LMTK2: variants seen among roughly 807,000 people sequenced by gnomAD.
The protein encoded by LMTK2 is serine/threonine-protein kinase LMTK2.
Under a neutral mutation model 127.5 loss-of-function variants are expected in LMTK2, and 37 were observed. That is an observed-to-expected ratio of 0.29 (90% CI 0.22 to 0.38). The LOEUF (loss-of-function observed/expected upper bound fraction) is 0.38, where lower values mean the gene tolerates loss of function less well. Ranked by LOEUF, LMTK2 falls within the 10% of genes least tolerant of loss-of-function variation. The probability of loss-of-function intolerance (pLI) is 1.00; values close to 1 mark genes in which losing one functional copy is unlikely to be tolerated. For missense variants in LMTK2, 1,694 were observed against 1,920.3 expected (o/e 0.88, Z 2.20); for synonymous variants, 819 against 810.1 (o/e 1.01, Z -0.19).
At chr7:98,117,414 G>A (rs1317525473) in intron 1 of LMTK2, among the ~76,000 whole-genome samples, 1 of 152,034 alleles carries the variant, frequency 6.6e-6, no homozygotes, top group East Asian at 1.9e-4. Flanking sequence ...TGGATGCATG[G>A]ATATTTATTT....
Position 98,191,730 on chromosome 7 carries a change from T to C in LMTK2, c.1265T>C (p.Phe422Ser). 3.1e-6 allele frequency: 5 copies of C among 1,614,162 alleles called. No homozygotes were observed. Among genetic ancestry groups the C allele is most frequent in the Non-Finnish European group, 4.2e-6 (5 of 1,180,030 alleles). ...LQSQRDSEVD[F>S]EQQWNALKPN... Reference sequence around the variant, plus strand: ...AGCCAGCGGGACTCAGAGGTCGACTTTGAACAGCAGTGGAACGCTCTGAAG... The same window carrying C: ...AGCCAGCGGGACTCAGAGGTCGACTCTGAACAGCAGTGGAACGCTCTGAAG... Residue 422 changes from phenylalanine to serine, a missense_variant, in exon 11 of 14, where the codon TTT (phenylalanine) becomes TCT (serine). Coordinates refer to ENST00000297293, the MANE Select transcript of LMTK2 (RefSeq NM_014916.4).
chr7:98,139,086 C>G (rs1208567864), intron 2 of LMTK2, among the ~76,000 whole-genome samples: 2 of 152,178 alleles, frequency 1.3e-5, no homozygotes, highest in African/African-American at 4.8e-5. Context: ...TCCAGATAGC[C>G]AGCAGCAAAA....
In LMTK2 at chr7:98,207,493, G is replaced by A. The variant is rs1019102759; in HGVS notation, c.*2001G>A. ...GCTATGTGGGGAGCACCACTGTCTC[G>A]GGATGCGCGAATTTTTTTTTTTTTT... On this transcript the variant is annotated 3_prime_UTR_variant, in exon 14 of 14. Coordinates refer to ENST00000297293, the MANE Select transcript of LMTK2 (RefSeq NM_014916.4). 3 of 151,432 alleles carry A rather than the reference G, an allele frequency of 2.0e-5. No individual in the cohort carries two copies. The highest frequency in any genetic ancestry group is 4.4e-5 in the Non-Finnish European group (3 of 67,944). 9.4% of individuals were successfully genotyped at this position (151,432 alleles called of 1,614,324 possible).
intron 12 of LMTK2, 55 bp from the exon 13 acceptor site, chr7:98,203,889 C>T (rs1797746825): frequency 1.2e-6 from 2 of 1,604,774 alleles, no homozygotes; most frequent in South Asian, 1.1e-5. Flanking sequence ...AGAGGCTCCC[C>T]CTCTCCCTCA....
chr7:98,172,244 G>T (rs1233747753), intron 7 of LMTK2, among the ~76,000 whole-genome samples: 2 of 152,056 alleles, frequency 1.3e-5, no homozygotes, highest in African/African-American at 4.8e-5. Context: ...GCAGCACAGC[G>T]ATCTGTGTAG....
rs1584284390 is a variant in LMTK2, at chr7:98,179,597, C to CTCTCCCTCCCTCTCTCCCTCCCTCCCTT, written c.792-5442_792-5441insTCTCCCTCCCTCCCTTTCTCCCTCCCTC. Among the ~76,000 whole-genome samples, 4 of 147,442 alleles carry CTCTCCCTCCCTCTCTCCCTCCCTCCCTT rather than the reference C, an allele frequency of 2.7e-5. No individual in the cohort carries two copies. In the East Asian group the frequency reaches 6.1e-4, roughly 23 times the overall value. On this transcript the variant is annotated intron_variant, in intron 7 of 13. Coordinates refer to ENST00000297293, the MANE Select transcript of LMTK2 (RefSeq NM_014916.4). ...CTCCTCCCTCTCTCCCTCCTTCCCT[C>CTCTCCCTCCCTCTCTCCCTCCCTCCCTT]TCTCCCTCCCTCCCTTTCTCCCTCC...
intron 1 of LMTK2, among the ~76,000 whole-genome samples, chr7:98,119,415 G>C (rs1298681474): frequency 6.6e-6 from 1 of 152,132 alleles, no homozygotes; most frequent in Non-Finnish European, 1.5e-5. Flanking sequence ...TGAGCACCAC[G>C]TGTAAATATC....
At chr7:98,123,613 G>A (rs1484143005) in intron 1 of LMTK2, among the ~76,000 whole-genome samples, 2 of 151,696 alleles carry the variant, frequency 1.3e-5, no homozygotes, top group African/African-American at 2.4e-5. Flanking sequence ...TATGAGTCTC[G>A]TTTCATCCAT....
intron 7 of LMTK2, among the ~76,000 whole-genome samples, chr7:98,184,473 C>A (rs549288592): frequency 6.6e-6 from 1 of 152,222 alleles, no homozygotes; most frequent in South Asian, 2.1e-4. Context: ...TGCTCTCCTG[C>A]CCTGTCCATA....
Position 98,141,511 on chromosome 7 carries a change from C to G in LMTK2, c.346C>G (p.Pro116Ala), listed in dbSNP as rs368772331. The G allele has an allele frequency of 1.2e-6, 2 of 1,614,112 alleles. No homozygotes were observed. Among genetic ancestry groups the G allele is most frequent in the Non-Finnish European group, 1.7e-6 (2 of 1,179,978 alleles). The change falls in exon 3 of 14, where the codon CCA becomes GCA. Residue 116 changes from proline (P) to alanine (A), a missense_variant. By Grantham distance (27) the Pro-to-Ala change is conservative. Transcript: ENST00000297293. ...FTLSVPNISLPAPSQFQPSVE... is the reference protein window; with the variant it reads ...FTLSVPNISLAAPSQFQPSVE... Reference sequence around the variant, plus strand: ...ACTTTCAGTACCAAATATTTCACTCCCAGCTCCCTCGCAATTCCAGCCTTC... The same window carrying G: ...ACTTTCAGTACCAAATATTTCACTCGCAGCTCCCTCGCAATTCCAGCCTTC...
At chr7:98,164,322 A>G (rs1797060027) in intron 6 of LMTK2, among the ~76,000 whole-genome samples, 1 of 152,222 alleles carries the variant, frequency 6.6e-6, no homozygotes, top group Non-Finnish European at 1.5e-5. Context: ...AAATGGATTG[A>G]GCAAATTCGA....
At chr7:98,188,213 A>G (rs1179969201) in intron 9 of LMTK2, among the ~76,000 whole-genome samples, 1 of 151,892 alleles carries the variant, frequency 6.6e-6, no homozygotes, top group African/African-American at 2.4e-5. Flanking sequence ...TATGAGATCA[A>G]CCTTTTTATC....
intron 4 of LMTK2, 108 bp downstream of exon 4, chr7:98,151,563 G>C: frequency 2.4e-6 from 2 of 839,458 alleles, no homozygotes. Context: ...TGTGGGCCCT[G>C]CGTTACTAAT....
chr7:98,128,169 A>G (rs1440147946), intron 1 of LMTK2, among the ~76,000 whole-genome samples: 1 of 152,138 alleles, frequency 6.6e-6, no homozygotes, highest in African/African-American at 2.4e-5. Context: ...GTAAATAAAT[A>G]ATTAAAAAGG....
intron 1 of LMTK2, among the ~76,000 whole-genome samples, chr7:98,131,317 T>TGTTGGA (rs1425906862): frequency 6.6e-6 from 1 of 152,212 alleles, no homozygotes; most frequent in Non-Finnish European, 1.5e-5. Context: ...AACATCCATA[T>TGTTGGA]GTTGGAATTG....
At chr7:98,178,506 G>A (rs1246290776) in intron 7 of LMTK2, among the ~76,000 whole-genome samples, 2 of 152,146 alleles carry the variant, frequency 1.3e-5, no homozygotes, top group African/African-American at 2.4e-5. Context: ...AAGCTCAGGC[G>A]ACGCTGCCAG....
Position 98,204,308 on chromosome 7 carries a change from T to A in LMTK2, c.4483+122T>A, listed in dbSNP as rs1000680115. The A allele has an allele frequency of 3.1e-6, 4 of 1,310,080 alleles. No individual in the cohort carries two copies. In the African/African-American group the frequency reaches 5.9e-5, roughly 19 times the overall value. 81.2% of individuals were successfully genotyped at this position (1,310,080 alleles called of 1,614,324 possible). On this transcript the variant is annotated intron_variant, in intron 13 of 13. Transcript: ENST00000297293. ...TCTTCTTCACATTTGCTGAGTAGATTACAAACTTGTTTTTATAAAACTCCC... is the reference window on the plus strand; with the variant it reads ...TCTTCTTCACATTTGCTGAGTAGATAACAAACTTGTTTTTATAAAACTCCC...
intron 10 of LMTK2, among the ~76,000 whole-genome samples, chr7:98,191,129 T>A (rs1192741203): frequency 6.6e-6 from 1 of 152,140 alleles, no homozygotes; most frequent in Non-Finnish European, 1.5e-5. Context: ...TAAAAAAAAA[T>A]GTAGAGACAG....
chr7:98,116,436 GTGTT>G (rs1466369489), intron 1 of LMTK2, among the ~76,000 whole-genome samples: 5 of 151,902 alleles, frequency 3.3e-5, no homozygotes, highest in African/African-American at 9.7e-5. Context: ...GTGTGTGTGT[GTGTT>G]TGTGTCCGCG....
Sources: gnomAD v4.1 joint callset for allele counts (sites outside exome capture counted in the v4.1 genomes callset) on GRCh38, gnomAD v4.1.1 for gene constraint, MANE v1.5 for transcripts, NCBI Gene and HGNC (gene_info 2026-07-23, HGNC 2026-07-21) for gene names.